Variants in SMYD1 observed in about 807,000 individuals in gnomAD.
SMYD1 encodes SET and MYND domain containing 1.
In SMYD1, 49 loss-of-function variants were observed where a neutral mutation model predicts 54.0. The ratio of observed to expected loss-of-function variants is 0.91; its 90% CI spans 0.72 to 1.15. The LOEUF is 1.15. Among genes scored for constraint, SMYD1 ranks in the 50% most tolerant of loss-of-function variants. The probability of loss-of-function intolerance (pLI) is 0.00; values close to 1 mark genes in which losing one functional copy is unlikely to be tolerated. For missense variants in SMYD1, 653 were observed against 639.6 expected (o/e 1.02, Z -0.23); for synonymous variants, 269 against 234.2 (o/e 1.15, Z -1.36).
intron 5 of SMYD1, among the ~76,000 whole-genome samples, chr2:88,094,629 A>G (rs1040072155): frequency 1.3e-5 from 2 of 152,246 alleles, no homozygotes; most frequent in Non-Finnish European, 2.9e-5. Flanking sequence ...TTCATATTTA[A>G]GTGACATTAA....
Position 88,112,445 on chromosome 2 carries a change from C to A in SMYD1, c.*1933C>A. 2.6e-6 allele frequency: 1 copy of A among 387,996 alleles called. No homozygotes were observed. The highest frequency in any genetic ancestry group is 4.7e-6 in the Non-Finnish European group (1 of 212,296). The allele number at this position is 387,996 out of a possible 1,614,324, so 24.0% of individuals were successfully genotyped here. On this transcript the variant is annotated 3_prime_UTR_variant, in exon 10 of 10. Transcript: ENST00000419482. ...TCTGGATCCCTTCCCCTGCTTTGAC[C>A]CCCAGACTTTGCTCCATCTATTATT...
At chr2:88,078,829 C>T (rs1674125651) in intron 1 of SMYD1, among the ~76,000 whole-genome samples, 1 of 152,248 alleles carries the variant, frequency 6.6e-6, no homozygotes, top group African/African-American at 2.4e-5. Flanking sequence ...CTAAGCCCTA[C>T]CAGCAGCCGA....
chr2:88,103,142 T>C lies in SMYD1; in HGVS notation c.973T>C (p.Tyr325His). The C allele has an allele frequency of 1.2e-6, 2 of 1,613,298 alleles. No individual in the cohort carries two copies. Among genetic ancestry groups the C allele is most frequent in the South Asian group, 1.1e-5 (1 of 91,032 alleles). ...AGACAAGGCTCGTTCCGAGGGTTTG[T>C]ATCATGAGGTAAGAATTCACTTGTT... ...KIDKARSEGLYHEVVKLCREC... is the reference protein window; with the variant it reads ...KIDKARSEGLHHEVVKLCREC... Residue 325 changes from tyrosine (Y) to histidine (H), a missense_variant, in exon 7 of 10, where the codon TAT (tyrosine) becomes CAT (histidine). Tyr to His is a moderately conservative substitution (Grantham distance 83, BLOSUM62 2). Transcript: ENST00000419482.
chr2:88,111,871 C>A lies in SMYD1; in HGVS notation c.*1359C>A. 1.8e-6 allele frequency: 1 copy of A among 561,866 alleles called. No homozygotes were observed. Among genetic ancestry groups the A allele is most frequent in the Non-Finnish European group, 3.2e-6 (1 of 313,456 alleles). 34.8% of individuals were successfully genotyped at this position (561,866 alleles called of 1,614,324 possible). A position where few individuals can be genotyped will look rare whatever the true frequency, so the allele number is the denominator to read the frequency against. On this transcript the variant is annotated 3_prime_UTR_variant, in exon 10 of 10. Transcript: ENST00000419482. ...ACCAAGACTTCTACACAACCCAGGACTACCATTGACCTCAGAGCTGTACCC... is the reference window on the plus strand; with the variant it reads ...ACCAAGACTTCTACACAACCCAGGAATACCATTGACCTCAGAGCTGTACCC...
At chr2:88,090,027 T>A (rs187523909) in intron 3 of SMYD1, among the ~76,000 whole-genome samples, 1 of 152,326 alleles carries the variant, frequency 6.6e-6, no homozygotes, top group Non-Finnish European at 1.5e-5. Context: ...GCTGAAAAGA[T>A]CCTTGGAGCT....
chr2:88,076,415 G>C (rs375315368), intron 1 of SMYD1, among the ~76,000 whole-genome samples: 28 of 152,052 alleles, frequency 1.8e-4, no homozygotes, highest in African/African-American at 6.5e-4. Context: ...AGTAGAGACG[G>C]GGTTTCGCCG....
At chr2:88,107,570 T>C (rs1373967447) in intron 8 of SMYD1, among the ~76,000 whole-genome samples, 2 of 152,232 alleles carry the variant, frequency 1.3e-5, no homozygotes, top group South Asian at 2.1e-4. Flanking sequence ...GGAGGCCTCC[T>C]TGAGCTGCAG....
At chr2:88,074,262 T>TA (rs1464565477) in intron 1 of SMYD1, among the ~76,000 whole-genome samples, 1 of 152,256 alleles carries the variant, frequency 6.6e-6, no homozygotes, top group African/African-American at 2.4e-5. Flanking sequence ...GTTAGAAGTC[T>TA]AAAACAGGCT....
At chr2:88,108,626 A>C in intron 9 of SMYD1, 87 bp downstream of exon 9, 2 of 1,328,996 alleles carry the variant, frequency 1.5e-6, no homozygotes, top group Non-Finnish European at 2.0e-6. Flanking sequence ...TCTGCTTTAG[A>C]AAAGTCCACA....
intron 3 of SMYD1, 119 bp from the exon 4 acceptor site, chr2:88,090,893 C>T: frequency 1.8e-6 from 2 of 1,136,202 alleles, no homozygotes; most frequent in East Asian, 2.4e-5. Context: ...TGTGTCCAGA[C>T]TCCCTAAGCA....
chr2:88,092,399 T>G (rs540579346), intron 4 of SMYD1, among the ~76,000 whole-genome samples: 1 of 152,260 alleles, frequency 6.6e-6, no homozygotes, highest in South Asian at 2.1e-4. Flanking sequence ...CCGAGCAATA[T>G]TAATTGCTTT....
At chr2:88,083,991 G>T (rs1291024875) in intron 1 of SMYD1, among the ~76,000 whole-genome samples, 2 of 152,228 alleles carry the variant, frequency 1.3e-5, no homozygotes, top group African/African-American at 4.8e-5. Context: ...CTACTCAGGA[G>T]GCTGAGGCAG....
intron 9 of SMYD1, among the ~76,000 whole-genome samples, 181 bp downstream of exon 9, chr2:88,108,720 A>T (rs926439123): frequency 2.6e-5 from 4 of 152,182 alleles, no homozygotes; most frequent in African/African-American, 9.7e-5. Flanking sequence ...ACCCTAAATG[A>T]ATACCTGAGA....
rs760115906 is a variant in SMYD1, at chr2:88,108,533, C to T, written c.1308C>T (p.Asp436=). The change falls in exon 9 of 10, where the codon GAC becomes GAT. Residue 436 remains aspartate, a synonymous_variant. Transcript: ENST00000419482. ...GACCCTCCCACCCCATCACTAAGGA[C>T]TTAGAGGCAAGTAGCGTCTTGAGGC... The part of the protein sequence containing the change: ...THGPSHPITK[D]LEAMRVQTEM... 1 of 1,585,618 alleles carries T rather than the reference C, an allele frequency of 6.3e-7. No homozygotes were observed. The highest frequency in any genetic ancestry group is 8.6e-7 in the Non-Finnish European group (1 of 1,166,456).
intron 7 of SMYD1, 92 bp from the exon 8 acceptor site, chr2:88,106,233 T>A (rs1031589640): frequency 2.5e-5 from 37 of 1,510,098 alleles, no homozygotes; most frequent in East Asian, 1.6e-4. Flanking sequence ...TTAAAAAGAA[T>A]GATTGTCTGG....
rs553247755 is a variant in SMYD1, at chr2:88,086,390, T to A, written c.315-1472T>A. Among the ~76,000 whole-genome samples, 7 of 152,280 alleles carry A rather than the reference T, an allele frequency of 4.6e-5. No homozygotes were observed. The East Asian group carries it at 1.4e-3, about 29-fold the overall frequency. On this transcript the variant is annotated intron_variant, in intron 2 of 9. Coordinates refer to ENST00000419482, the MANE Select transcript of SMYD1 (RefSeq NM_198274.4). The stretch of plus-strand genomic sequence containing the variant: ...GCCTGAAAAGTGTGCAGTCAGTGGG[T>A]GGCAGGAACATTAAAGTGTCCCTGG...
chr2:88,109,596 A>G (rs1674963425), intron 9 of SMYD1, among the ~76,000 whole-genome samples: 1 of 152,192 alleles, frequency 6.6e-6, no homozygotes, highest in African/African-American at 2.4e-5. Context: ...AGTACAGTCT[A>G]GGGAAGGTGG....
chr2:88,080,245 A>AGTGTTCACCTAGGTGATTACCTAG (rs536733898), intron 1 of SMYD1, among the ~76,000 whole-genome samples: 10,346 of 152,176 alleles, frequency 0.068, 505 homozygotes, highest in Middle Eastern at 0.11. Context: ...TGTTGTTCTA[A>AGTGTTCACCTAGGTGATTACCTAG]GTGTTCACCT....
chr2:88,071,514 T>C lies in SMYD1; in HGVS notation c.137+3513T>C, dbSNP rs567003869. On this transcript the variant is annotated intron_variant, in intron 1 of 9. Transcript: ENST00000419482. ...AAAGCTGGGAAAATTCTTTCAGGCC[T>C]AGCTATTATGTAGCACTTGGATTAA... 5.3e-5 allele frequency among the ~76,000 whole-genome samples: 8 copies of C among 152,310 alleles called. No homozygotes were observed. In the East Asian group the frequency reaches 1.4e-3, roughly 26 times the overall value.
Sources: allele counts gnomAD v4.1 joint callset (sites outside exome capture counted in the v4.1 genomes callset), GRCh38; gene constraint gnomAD v4.1.1; transcripts MANE v1.5; gene names NCBI Gene and HGNC (gene_info 2026-07-23, HGNC 2026-07-21).